Variants in NCKAP5 observed in about 807,000 individuals in gnomAD.
NCKAP5 encodes the protein nck-associated protein 5.
In NCKAP5, 92 loss-of-function variants were observed where a neutral mutation model predicts 167.0. That is an observed-to-expected ratio of 0.55 (90% CI 0.47 to 0.66). NCKAP5 has a LOEUF of 0.66. NCKAP5 is among the 30% of genes least tolerant of loss of function. NCKAP5 has a pLI of 0.00. For missense variants in NCKAP5, 2,378 were observed against 2,315.0 expected (o/e 1.03, Z -0.56); for synonymous variants, 891 against 877.4 (o/e 1.02, Z -0.27).
intron 3 of NCKAP5, among the ~76,000 whole-genome samples, chr2:133,414,001 C>A (rs1688945705): frequency 6.6e-6 from 1 of 152,210 alleles, no homozygotes; most frequent in South Asian, 2.1e-4. Context: ...GGACATCTCA[C>A]TATCCTGGTG....
intron 3 of NCKAP5, among the ~76,000 whole-genome samples, chr2:133,423,088 T>A (rs1689586077): frequency 6.6e-6 from 1 of 152,210 alleles, no homozygotes; most frequent in Admixed American, 6.5e-5. Context: ...AGCAGCTTTA[T>A]TAGTCACTTT....
intron 2 of NCKAP5, among the ~76,000 whole-genome samples, chr2:133,550,221 G>A (rs1575143703): frequency 1.4e-5 from 2 of 143,180 alleles, no homozygotes; most frequent in Admixed American, 7.0e-5. Flanking sequence ...AATAGAAAAA[G>A]AGGGAATCCT....
chr2:133,547,166 G>C (rs182680905), intron 2 of NCKAP5, among the ~76,000 whole-genome samples: 11 of 152,144 alleles, frequency 7.2e-5, no homozygotes, highest in Admixed American at 1.3e-4. Context: ...TGCGCTATTC[G>C]GACCGGCTTA....
intron 8 of NCKAP5, among the ~76,000 whole-genome samples, chr2:132,922,242 CA>C (rs1322717521): frequency 7.9e-5 from 12 of 152,098 alleles, no homozygotes; most frequent in African/African-American, 2.9e-4. Context: ...AGGAGGGAAT[CA>C]TACATGTAAA....
At chr2:133,652,909 C>T in the NCKAP5 span, among the ~76,000 whole-genome samples, 2 of 152,180 alleles carry the variant, frequency 1.3e-5, no homozygotes, top group Non-Finnish European at 2.9e-5. Flanking sequence ...ATTGACAAGT[C>T]CACCTCAAAT....
At chr2:133,447,115 T>C (rs1417235326) in intron 3 of NCKAP5, among the ~76,000 whole-genome samples, 1 of 152,130 alleles carries the variant, frequency 6.6e-6, no homozygotes, top group Non-Finnish European at 1.5e-5. Flanking sequence ...TATGGCTTCA[T>C]GGGAGGAACA....
intron 2 of NCKAP5, among the ~76,000 whole-genome samples, chr2:133,547,187 C>A (rs950164077): frequency 1.3e-5 from 2 of 152,194 alleles, no homozygotes; most frequent in African/African-American, 2.4e-5. Context: ...AAAAACGGCG[C>A]GCCACGAGAT....
At chr2:133,440,603 T>C (rs1690773925) in intron 3 of NCKAP5, among the ~76,000 whole-genome samples, 1 of 143,612 alleles carries the variant, frequency 7.0e-6, no homozygotes, top group South Asian at 2.2e-4. Context: ...CCAGCTACTC[T>C]GGAGGCTGAG....
rs764177546 is a variant in NCKAP5 at position 132,784,515 on chromosome 2, G to A, written c.2296C>T (p.Gln766Ter). Residue 766 changes from glutamine (Q) to a stop codon, truncating the protein, a stop_gained, in exon 14 of 20, where the codon CAA becomes TAA. Coordinates refer to ENST00000409261, the MANE Select transcript of NCKAP5 (RefSeq NM_207363.3). LOFTEE classifies it high-confidence loss of function. ...TESFSSRTVT[Q>*]NPQQQKLVKP... ...ACCAGCTTTTGCTGCTGAGGATTTT[G>A]TGTCACTGTCCTGGAGCTGAAAGAT... 6.4e-7 allele frequency: 1 copy of A among 1,568,996 alleles called. No individual in the cohort carries two copies. Among genetic ancestry groups the A allele is most frequent in the Non-Finnish European group, 8.6e-7 (1 of 1,158,598 alleles).
chr2:132,731,979 G>C lies in NCKAP5; in HGVS notation c.5201C>G (p.Ser1734Trp), dbSNP rs563676043. The C allele has an allele frequency of 3.1e-6, 5 of 1,613,798 alleles. No individual in the cohort carries two copies. Among genetic ancestry groups the C allele is most frequent in the Admixed American group, 1.7e-5 (1 of 59,998 alleles). Residue 1734 changes from serine (S) to tryptophan (W), a missense_variant, in exon 17 of 20, where the codon TCG (serine) becomes TGG (tryptophan). Around this residue, in one of 3 missense-constraint regions of NCKAP5, gnomAD observed 1,325 missense variants for 1,274.5 expected, o/e 1.04. Coordinates refer to ENST00000409261, the MANE Select transcript of NCKAP5 (RefSeq NM_207363.3). ...TFPLPDSGNR[S>W]TGRYLCQPDS... ...TGGCTGGCATAGGTAGCGTCCTGTC[G>C]AGCGATTTCCCGAGTCTGGGAGTGG...
At chr2:132,771,839 ATTTTTTTT>A (rs70973406) in intron 16 of NCKAP5, among the ~76,000 whole-genome samples, 73 of 100,768 alleles carry the variant, frequency 7.2e-4, no homozygotes, top group Admixed American at 5.1e-3. Flanking sequence ...CGCCCGGCTA[ATTTTTTTT>A]TTTTTTTTTT....
intron 5 of NCKAP5, among the ~76,000 whole-genome samples, chr2:133,154,194 T>G (rs920480661): frequency 2.6e-5 from 4 of 152,194 alleles, no homozygotes; most frequent in African/African-American, 7.2e-5. Flanking sequence ...AGCATCTCTT[T>G]CTTCTGTTTC....
intron 16 of NCKAP5, among the ~76,000 whole-genome samples, chr2:132,742,216 C>G (rs1268367258): frequency 6.6e-6 from 1 of 151,988 alleles, no homozygotes; most frequent in Admixed American, 6.6e-5. Context: ...CTTTAAATCT[C>G]TTTTACTTCA....
chr2:132,796,554 G>T (rs368720985), intron 12 of NCKAP5, 74 bp downstream of exon 12: 2 of 1,006,308 alleles, frequency 2.0e-6, no homozygotes, highest in African/African-American at 1.6e-5. Flanking sequence ...TTTATGGTTC[G>T]CTTGTGACAT....
Position 132,783,090 on chromosome 2 carries a change from C to T in NCKAP5, c.3721G>A (p.Asp1241Asn), listed in dbSNP as rs1474273912. 6.2e-7 allele frequency: 1 copy of T among 1,613,670 alleles called. No homozygotes were observed. The highest frequency in any genetic ancestry group is 2.2e-5 in the East Asian group (1 of 44,876). The change falls in exon 14 of 20, where the codon GAT becomes AAT. Residue 1241 changes from aspartate to asparagine, a missense_variant. Asp to Asn is a conservative substitution (Grantham distance 23, BLOSUM62 1). Around this residue, in one of 3 missense-constraint regions of NCKAP5, gnomAD observed 1,325 missense variants for 1,274.5 expected, o/e 1.04. Transcript: ENST00000409261. ...EPLESSIPGS[D>N]GRDGVDNRSM... Reference sequence around the variant, plus strand: ...CTATTATCTACCCCATCCCTTCCATCACTCCCAGGGATGCTACTTTCCAAT... The same window carrying T: ...CTATTATCTACCCCATCCCTTCCATTACTCCCAGGGATGCTACTTTCCAAT...
intron 9 of NCKAP5, among the ~76,000 whole-genome samples, chr2:132,873,764 G>A (rs138289866): frequency 1.3e-5 from 2 of 152,144 alleles, no homozygotes; most frequent in Admixed American, 6.5e-5. Flanking sequence ...TTGGGTTAGT[G>A]CATAATAAAT....
At chr2:133,016,259 G>A (rs753882209) in intron 6 of NCKAP5, among the ~76,000 whole-genome samples, 2 of 152,180 alleles carry the variant, frequency 1.3e-5, no homozygotes, top group Non-Finnish European at 2.9e-5. Context: ...ACACAAAAGA[G>A]CTTGGTGTGT....
At chr2:133,126,179 G>A (rs1479776456) in intron 6 of NCKAP5, among the ~76,000 whole-genome samples, 2 of 152,136 alleles carry the variant, frequency 1.3e-5, no homozygotes, top group Non-Finnish European at 2.9e-5. Context: ...AACTGTCCCA[G>A]CATCTAACTT....
chr2:133,439,812 C>A (rs944839747), intron 3 of NCKAP5, among the ~76,000 whole-genome samples: 1 of 152,112 alleles, frequency 6.6e-6, no homozygotes, highest in Non-Finnish European at 1.5e-5. Context: ...AGGTTTTATG[C>A]AAGTCTAGTA....
Sources: allele counts gnomAD v4.1 joint callset (sites outside exome capture counted in the v4.1 genomes callset), GRCh38; gene constraint gnomAD v4.1.1; regional missense constraint gnomAD v4.1.1; transcripts MANE v1.5; gene names NCBI Gene and HGNC (gene_info 2026-07-23, HGNC 2026-07-21).